OCA2: variants seen among roughly 807,000 people sequenced by gnomAD.
OCA2 encodes P protein.
In OCA2, 77 loss-of-function variants were observed where a neutral mutation model predicts 100.2. The ratio of observed to expected loss-of-function variants is 0.77; its 90% CI spans 0.64 to 0.93. OCA2 has a LOEUF of 0.93. Ranked by LOEUF, OCA2 falls within the 40% of genes least tolerant of loss-of-function variation. The pLI is 0.00. For missense variants in OCA2, 1,062 were observed against 1,089.1 expected (o/e 0.98, Z 0.35); for synonymous variants, 432 against 439.2 (o/e 0.98, Z 0.21).
chr15:27,805,711 G>GGAGGTGCCGAGTGCCA (rs1310595821), intron 23 of OCA2, among the ~76,000 whole-genome samples: 1 of 152,148 alleles, frequency 6.6e-6, no homozygotes, highest in African/African-American at 2.4e-5. Context: ...GACGTGCCAT[G>GGAGGTGCCGAGTGCCA]GAGGTGCCGA....
intron 11 of OCA2, among the ~76,000 whole-genome samples, chr15:27,988,152 T>C (rs1029023060): frequency 6.6e-6 from 1 of 150,892 alleles, no homozygotes; most frequent in African/African-American, 2.4e-5. Context: ...GGGATGGGGG[T>C]AAATGGTCCC....
chr15:27,944,111 T>C (rs1442373945), intron 18 of OCA2, among the ~76,000 whole-genome samples: 1 of 152,230 alleles, frequency 6.6e-6, no homozygotes, highest in Non-Finnish European at 1.5e-5. Context: ...TACCATTTGG[T>C]ACCCTTGGCT....
At chr15:27,773,102 ATTAT>A (rs2031986781) in intron 23 of OCA2, among the ~76,000 whole-genome samples, 1 of 152,112 alleles carries the variant, frequency 6.6e-6, no homozygotes, top group South Asian at 2.1e-4. Context: ...TTTCAATTGT[ATTAT>A]TTAAGTTGTA....
At chr15:27,801,346 G>A (rs1024096956) in intron 23 of OCA2, among the ~76,000 whole-genome samples, 2 of 152,144 alleles carry the variant, frequency 1.3e-5, no homozygotes, top group East Asian at 1.9e-4. Context: ...GAGGTCAAGA[G>A]ATCAAGACCA....
At chr15:27,967,584 C>T (rs575191640) in intron 14 of OCA2, among the ~76,000 whole-genome samples, 27 of 152,246 alleles carry the variant, frequency 1.8e-4, no homozygotes, top group Admixed American at 1.0e-3. Flanking sequence ...TCCCTGCCAT[C>T]GGTTTGAAAG....
chr15:28,003,113 C>T (rs984912892), intron 9 of OCA2, among the ~76,000 whole-genome samples: 1 of 152,376 alleles, frequency 6.6e-6, no homozygotes, highest in East Asian at 1.9e-4. Flanking sequence ...TGCTTCTTCC[C>T]CCACGTGATC....
chr15:27,805,544 T>A (rs2055290), intron 23 of OCA2, among the ~76,000 whole-genome samples: 105,202 of 152,106 alleles, frequency 0.69, 37,217 homozygotes, highest in East Asian at 1. Flanking sequence ...ATGGAGCCGC[T>A]CGCCCAGGAT....
At position 27,765,967 on chromosome 15, in the gene OCA2, C is replaced by G. The variant is rs566467776; in HGVS notation, c.2433-10495G>C. On this transcript the variant is annotated intron_variant, in intron 23 of 23. Transcript: ENST00000354638. ...TCATCCCGTGAATTAGAATGCCTAC[C>G]TTCCTGGGAATGCTGCCCAGCGGGC... Among the ~76,000 whole-genome samples, 3 of 152,256 alleles carry G rather than the reference C, an allele frequency of 2.0e-5. No individual in the cohort carries two copies. In the East Asian group the frequency reaches 5.8e-4, roughly 29 times the overall value.
intron 14 of OCA2, among the ~76,000 whole-genome samples, chr15:27,972,245 T>C (rs1238181456): frequency 6.6e-6 from 1 of 152,206 alleles, no homozygotes; most frequent in East Asian, 1.9e-4. Flanking sequence ...TATCCACTTA[T>C]CTGTTGATAG....
chr15:27,784,517 A>C (rs1313341588), intron 23 of OCA2, among the ~76,000 whole-genome samples: 1 of 152,236 alleles, frequency 6.6e-6, no homozygotes, highest in Non-Finnish European at 1.5e-5. Flanking sequence ...GCAACCAATG[A>C]AACCAGACTC....
intron 19 of OCA2, among the ~76,000 whole-genome samples, chr15:27,875,679 C>G (rs1290232999): frequency 2.6e-5 from 4 of 151,904 alleles, no homozygotes; most frequent in African/African-American, 9.7e-5. Context: ...AGATCTTTTA[C>G]AAAAATTTCT....
At chr15:27,978,725 A>T (rs532743721) in intron 14 of OCA2, among the ~76,000 whole-genome samples, 11 of 151,632 alleles carry the variant, frequency 7.3e-5, no homozygotes, top group Non-Finnish European at 1.3e-4. Flanking sequence ...TTCACTCGTC[A>T]CCCAGGCTGG....
rs917660319 is a variant in OCA2, at chr15:28,026,135, T to C, written c.516-1233A>G. On this transcript the variant is annotated intron_variant, in intron 4 of 23. Coordinates refer to ENST00000354638, the MANE Select transcript of OCA2 (RefSeq NM_000275.3). Reference sequence around the variant, plus strand: ...CCAAAATAAAAGGTTTTTTACAAGATTCTTCACTGATCACGCATGGTACTT... The same window carrying C: ...CCAAAATAAAAGGTTTTTTACAAGACTCTTCACTGATCACGCATGGTACTT... Among the ~76,000 whole-genome samples the C allele has an allele frequency of 2.6e-5, 4 of 152,236 alleles. 1 individual carries two copies. Among genetic ancestry groups the C allele is most frequent in the Admixed American group, 2.6e-4 (4 of 15,288 alleles).
intron 14 of OCA2, among the ~76,000 whole-genome samples, chr15:27,973,950 G>T (rs1303388093): frequency 6.6e-6 from 1 of 152,150 alleles, no homozygotes; most frequent in African/African-American, 2.4e-5. Context: ...TAGCTATTGT[G>T]AAAGGGATTG....
chr15:27,736,949 T>A, the OCA2 span, among the ~76,000 whole-genome samples: 3 of 152,348 alleles, frequency 2.0e-5, no homozygotes, highest in African/African-American at 7.2e-5. Context: ...ATACAAGAGT[T>A]CATTCAGACA....
chr15:27,931,892 C>A lies in OCA2; in HGVS notation c.1952-5638G>T, dbSNP rs1419915129. Among the ~76,000 whole-genome samples, 3 of 152,162 alleles carry A rather than the reference C, an allele frequency of 2.0e-5. No homozygotes were observed. In the East Asian group the frequency reaches 5.8e-4, roughly 29 times the overall value. On this transcript the variant is annotated intron_variant, in intron 18 of 23. Transcript: ENST00000354638. ...CACTGTCTCACAATATCAGGAAACA[C>A]TCCTGTTCATCTGGTCCTCACTGAA...
the OCA2 span, among the ~76,000 whole-genome samples, chr15:27,739,062 C>T: frequency 6.6e-6 from 1 of 152,130 alleles, no homozygotes; most frequent in East Asian, 1.9e-4. Flanking sequence ...AGAGTGAGGT[C>T]GCCAGCGTCT....
the OCA2 span, among the ~76,000 whole-genome samples, chr15:27,730,779 G>GT: frequency 2.6e-5 from 2 of 76,628 alleles, no homozygotes; most frequent in Non-Finnish European, 5.8e-5. Flanking sequence ...ATATATATAT[G>GT]TTTTTTTTTC....
At chr15:28,000,758 T>C (rs1363013877) in intron 9 of OCA2, among the ~76,000 whole-genome samples, 1 of 152,044 alleles carries the variant, frequency 6.6e-6, no homozygotes, top group East Asian at 1.9e-4. Context: ...CTCATACGAA[T>C]CAAGAGCAAA....
Sources: allele counts gnomAD v4.1 joint callset (sites outside exome capture counted in the v4.1 genomes callset), GRCh38; gene constraint gnomAD v4.1.1; transcripts MANE v1.5; gene names NCBI Gene and HGNC (gene_info 2026-07-23, HGNC 2026-07-21).